The following CCDC169 variants were observed in gnomAD, a reference collection of about 807,000 sequenced individuals.
The protein encoded by CCDC169 is coiled-coil domain-containing protein 169.
In CCDC169, 30 loss-of-function variants were observed where a neutral mutation model predicts 36.0. The ratio of observed to expected loss-of-function variants is 0.83; its 90% CI spans 0.62 to 1.13. The LOEUF (loss-of-function observed/expected upper bound fraction) is 1.13. Among genes scored for constraint, CCDC169 ranks in the 50% most tolerant of loss-of-function variants. CCDC169 has a pLI of 0.00. For missense variants in CCDC169, 245 were observed against 245.9 expected (o/e 1.00, Z 0.03); for synonymous variants, 85 against 81.5 (o/e 1.04, Z -0.23).
chr13:36,247,922 A>T (rs1872693974), intron 7 of CCDC169, among the ~76,000 whole-genome samples: 1 of 152,180 alleles, frequency 6.6e-6, no homozygotes, highest in Non-Finnish European at 1.5e-5. Flanking sequence ...TTCATAAAAG[A>T]GTCAATCGGT....
At position 36,237,624 on chromosome 13, in the gene CCDC169, C is replaced by T. The variant is rs544691708; in HGVS notation, c.546-6332G>A. On this transcript the variant is annotated intron_variant, in intron 7 of 7. Transcript: ENST00000239859. Reference sequence around the variant, plus strand: ...CTGTCACAGAAAGGAATAAGGAATTCGTATATGTTCCAACATGGATGAACC... The same window carrying T: ...CTGTCACAGAAAGGAATAAGGAATTTGTATATGTTCCAACATGGATGAACC... 5.5e-4 allele frequency among the ~76,000 whole-genome samples: 84 copies of T among 152,218 alleles called. 1 individual carries two copies. In the South Asian group the frequency reaches 0.015, roughly 27 times the overall value.
At chr13:36,266,968 G>T (rs1307427688) in intron 4 of CCDC169, among the ~76,000 whole-genome samples, 1 of 152,166 alleles carries the variant, frequency 6.6e-6, no homozygotes, top group Non-Finnish European at 1.5e-5. Context: ...ACTAAGATGG[G>T]ATTACATGTA....
downstream of CCDC169, chr13:36,222,583 T>C (rs1240834615): frequency 6.6e-6 from 1 of 152,118 alleles, no homozygotes; most frequent in African/African-American, 2.4e-5. Context: ...GCCTTAGAAA[T>C]GGTGTTAAAC....
intron 2 of CCDC169, among the ~76,000 whole-genome samples, chr13:36,288,049 C>T (rs1351311410): frequency 6.6e-6 from 1 of 151,708 alleles, no homozygotes; most frequent in Admixed American, 6.6e-5. Flanking sequence ...CGCTCTGTCA[C>T]CCAGGCTAGA....
At chr13:36,290,231 C>T (rs1028743913) in intron 2 of CCDC169, among the ~76,000 whole-genome samples, 11 of 152,148 alleles carry the variant, frequency 7.2e-5, no homozygotes, top group South Asian at 2.1e-4. Flanking sequence ...CACAGGGACA[C>T]GCCTGTACCA....
chr13:36,272,844 A>C (rs1254339836), intron 4 of CCDC169, among the ~76,000 whole-genome samples: 1 of 152,160 alleles, frequency 6.6e-6, no homozygotes, highest in Non-Finnish European at 1.5e-5. Context: ...TCCTAACTGA[A>C]GGAGAGTATC....
At chr13:36,255,925 C>T (rs770550211) in intron 4 of CCDC169, among the ~76,000 whole-genome samples, 6 of 152,198 alleles carry the variant, frequency 3.9e-5, no homozygotes, top group Non-Finnish European at 8.8e-5. Flanking sequence ...AGTCTCTTAC[C>T]ACCCTTGACC....
At chr13:36,283,023 A>G (rs1377120022) in intron 4 of CCDC169, 2 of 159,968 alleles carry the variant, frequency 1.3e-5, no homozygotes, top group Non-Finnish European at 2.7e-5. Flanking sequence ...CTATTTCTAA[A>G]TGCCACAAGA....
intron 2 of CCDC169, among the ~76,000 whole-genome samples, chr13:36,294,488 T>G (rs1879247674): frequency 6.6e-6 from 1 of 152,148 alleles, no homozygotes; most frequent in South Asian, 2.1e-4. Flanking sequence ...AACAAAGCAC[T>G]GGGTACTTAT....
chr13:36,264,787 ATG>A (rs1875066048), intron 4 of CCDC169, among the ~76,000 whole-genome samples: 2 of 152,254 alleles, frequency 1.3e-5, no homozygotes, highest in Admixed American at 1.3e-4. Flanking sequence ...AGCACCTCTT[ATG>A]TGTCAGGCAT....
chr13:36,238,661 A>T (rs1348860543), intron 7 of CCDC169, among the ~76,000 whole-genome samples: 1 of 152,154 alleles, frequency 6.6e-6, no homozygotes, highest in Non-Finnish European at 1.5e-5. Flanking sequence ...TACACTAAGG[A>T]TGTTTTGAGT....
At chr13:36,277,944 CAAA>C (rs71084416) in intron 4 of CCDC169, among the ~76,000 whole-genome samples, 53 of 100,208 alleles carry the variant, frequency 5.3e-4, no homozygotes, top group South Asian at 1.6e-3. Context: ...GACTCCGTCT[CAAA>C]AAAAAAAAAA....
chr13:36,296,613 G>A (rs374707706), intron 1 of CCDC169, among the ~76,000 whole-genome samples: 21 of 152,268 alleles, frequency 1.4e-4, no homozygotes, highest in Middle Eastern at 3.4e-3. Context: ...ATATGACAGG[G>A]CCATTTATTC....
chr13:36,271,861 G>A (rs1346763131), intron 4 of CCDC169, among the ~76,000 whole-genome samples: 2 of 151,890 alleles, frequency 1.3e-5, no homozygotes, highest in African/African-American at 4.8e-5. Flanking sequence ...AAAGCGGGCG[G>A]ATCACGAGTT....
At chr13:36,261,594 T>TGGGAC (rs1874616909) in intron 4 of CCDC169, among the ~76,000 whole-genome samples, 1 of 152,134 alleles carries the variant, frequency 6.6e-6, no homozygotes, top group African/African-American at 2.4e-5. Context: ...CCTTTTCAGG[T>TGGGAC]GGGACTGGCT....
chr13:36,283,609 AT>A lies in CCDC169; in HGVS notation c.256del (p.Ile86SerfsTer23). On this transcript the variant is annotated frameshift_variant, in exon 3 of 8. Transcript: ENST00000239859. LOFTEE classifies it high-confidence loss of function. ...TTTTGTACCTGAAGAGTTTCCATGG[AT>A]TTTTTCCACTTTCTCCTTGAGATAA... is the stretch of plus-strand genomic sequence containing the variant. ...IVYLKEKVEKIHGNSSDRLSS... is the reference protein window; with the variant it reads ...IVYLKEKVEKXHGNSSDRLSS... 6.4e-7 allele frequency: 1 copy of A among 1,551,230 alleles called. No individual in the cohort carries two copies. The highest frequency in any genetic ancestry group is 8.7e-7 in the Non-Finnish European group (1 of 1,146,800).
chr13:36,296,420 A>G (rs1396726587), intron 1 of CCDC169, among the ~76,000 whole-genome samples: 1 of 152,208 alleles, frequency 6.6e-6, no homozygotes, highest in Non-Finnish European at 1.5e-5. Context: ...TTTAACTTAA[A>G]TATCATCCTA....
chr13:36,250,550 T>C (rs2138460023), intron 6 of CCDC169, among the ~76,000 whole-genome samples: 1 of 152,358 alleles, frequency 6.6e-6, no homozygotes, highest in Non-Finnish European at 1.5e-5. Flanking sequence ...ACCTAAGTAC[T>C]ACATTTAAAC....
At chr13:36,246,782 C>A (rs1360357399) in intron 7 of CCDC169, among the ~76,000 whole-genome samples, 3 of 152,128 alleles carry the variant, frequency 2.0e-5, no homozygotes, top group Non-Finnish European at 4.4e-5. Context: ...GAAAAAGATG[C>A]AAGCTGAGAA....
Sources: allele counts gnomAD v4.1 joint callset (sites outside exome capture counted in the v4.1 genomes callset), GRCh38; gene constraint gnomAD v4.1.1; transcripts MANE v1.5; gene names NCBI Gene and HGNC (gene_info 2026-07-23, HGNC 2026-07-21).